The following MICU2 variants were observed in gnomAD, a reference collection of about 807,000 sequenced individuals.
MICU2 encodes calcium uptake protein 2, mitochondrial.
In MICU2, 64 loss-of-function variants were observed where a neutral mutation model predicts 60.4. The ratio of observed to expected loss-of-function variants is 1.06; its 90% CI spans 0.87 to 1.31. The LOEUF is 1.31. Among genes scored for constraint, MICU2 ranks in the 50% most tolerant of loss-of-function variants. The pLI, the probability that MICU2 is intolerant of heterozygous loss-of-function variation, is 0.00. For missense variants in MICU2, 569 were observed against 531.0 expected (o/e 1.07, Z -0.70); for synonymous variants, 201 against 175.0 (o/e 1.15, Z -1.17).
chr13:21,565,644 C>T (rs536197494), intron 2 of MICU2, among the ~76,000 whole-genome samples: 3 of 152,010 alleles, frequency 2.0e-5, no homozygotes, highest in African/African-American at 4.8e-5. Flanking sequence ...GGCGACAGAG[C>T]GAGACTCCGT....
intron 9 of MICU2, among the ~76,000 whole-genome samples, chr13:21,502,421 C>CA (rs1419736723): frequency 1.3e-5 from 2 of 152,084 alleles, no homozygotes; most frequent in Non-Finnish European, 2.9e-5. Flanking sequence ...TATATACACA[C>CA]ACATATGCAT....
At chr13:21,513,739 CAAAAA>C (rs376128312) in intron 7 of MICU2, among the ~76,000 whole-genome samples, 1 of 59,112 alleles carries the variant, frequency 1.7e-5, no homozygotes, top group Non-Finnish European at 2.6e-5. Context: ...GACTCTGTCT[CAAAAA>C]AAAAAAAAAA....
intron 9 of MICU2, 25 bp from the exon 10 acceptor site, chr13:21,496,185 C>T: frequency 2.6e-6 from 4 of 1,527,234 alleles, no homozygotes; most frequent in Non-Finnish European, 3.6e-6. Context: ...GTTTTTATTA[C>T]AATTTTGTAA....
intron 11 of MICU2, 127 bp downstream of exon 11, chr13:21,495,034 A>G (rs1885957419): frequency 1.7e-6 from 1 of 600,286 alleles, no homozygotes; most frequent in Non-Finnish European, 2.7e-6. Flanking sequence ...CTGTATTTCA[A>G]TTACAGCTTA....
intron 1 of MICU2, among the ~76,000 whole-genome samples, chr13:21,581,831 A>G (rs1888354889): frequency 6.6e-6 from 1 of 152,210 alleles, no homozygotes; most frequent in South Asian, 2.1e-4. Context: ...GTCACCAGCT[A>G]AAGCAGATTA....
At chr13:21,506,783 C>T (rs1886300422) in intron 8 of MICU2, among the ~76,000 whole-genome samples, 1 of 152,216 alleles carries the variant, frequency 6.6e-6, no homozygotes. Context: ...ACTTCCCTCC[C>T]TTCAGGGACC....
intron 2 of MICU2, 97 bp downstream of exon 2, chr13:21,566,700 A>AT (rs1301575540): frequency 1.9e-6 from 2 of 1,040,666 alleles, no homozygotes; most frequent in Non-Finnish European, 2.8e-6. Flanking sequence ...AAAGATGATA[A>AT]TTAAAATGAA....
At chr13:21,603,385 A>G (rs1888871382) in intron 1 of MICU2, among the ~76,000 whole-genome samples, 1 of 152,224 alleles carries the variant, frequency 6.6e-6, no homozygotes. Flanking sequence ...AGTTGATAAT[A>G]AAATCTGGAA....
chr13:21,557,499 G>T (rs1213176575), intron 2 of MICU2, among the ~76,000 whole-genome samples: 1 of 152,104 alleles, frequency 6.6e-6, no homozygotes, highest in Non-Finnish European at 1.5e-5. Context: ...TGGGGAGATG[G>T]TTTACAGAAG....
chr13:21,517,818 C>T (rs796362099), intron 6 of MICU2, among the ~76,000 whole-genome samples: 4 of 151,802 alleles, frequency 2.6e-5, no homozygotes, highest in South Asian at 4.2e-4. Context: ...CGCGCGCACA[C>T]GCGCTACATA....
At chr13:21,520,156 CTGTTAAGTAGTATTCTAT>C (rs764189524) in intron 6 of MICU2, among the ~76,000 whole-genome samples, 4 of 152,146 alleles carry the variant, frequency 2.6e-5, no homozygotes, top group Non-Finnish European at 4.4e-5. Flanking sequence ...TTCCTTTTTA[CTGTTAAGTAGTATTCTAT>C]TGTATGGATC....
At chr13:21,497,942 A>T (rs764270873) in intron 9 of MICU2, among the ~76,000 whole-genome samples, 50 of 152,046 alleles carry the variant, frequency 3.3e-4, no homozygotes, top group Non-Finnish European at 6.3e-4. Context: ...TTTAGTAGAG[A>T]CGAGATCTCG....
intron 1 of MICU2, among the ~76,000 whole-genome samples, chr13:21,585,582 C>G (rs1888437850): frequency 6.6e-6 from 1 of 152,072 alleles, no homozygotes; most frequent in African/African-American, 2.4e-5. Flanking sequence ...GGTCAGACAG[C>G]TTGAAATAAA....
intron 2 of MICU2, among the ~76,000 whole-genome samples, chr13:21,557,469 G>A (rs528408518): frequency 9.2e-5 from 14 of 152,116 alleles, no homozygotes; most frequent in Non-Finnish European, 2.1e-4. Flanking sequence ...GGAAGAATGA[G>A]TATCTACTTG....
At position 21,528,071 on chromosome 13, in the gene MICU2, A is replaced by G. The variant is rs561993733; in HGVS notation, c.467-5421T>C. Reference sequence around the variant, plus strand: ...ATATCTCATAATTTATATTCAGTATATTTTTGAGGATGGTATTAAAATTAT... The same window carrying G: ...ATATCTCATAATTTATATTCAGTATGTTTTTGAGGATGGTATTAAAATTAT... On this transcript the variant is annotated intron_variant, in intron 4 of 11. Coordinates refer to ENST00000382374, the MANE Select transcript of MICU2 (RefSeq NM_152726.3). Among the ~76,000 whole-genome samples, 4 of 152,284 alleles carry G rather than the reference A, an allele frequency of 2.6e-5. No homozygotes were observed. The South Asian group carries it at 8.3e-4, about 32-fold the overall frequency.
intron 8 of MICU2, among the ~76,000 whole-genome samples, chr13:21,508,772 A>C (rs1886356548): frequency 6.6e-6 from 1 of 151,864 alleles, no homozygotes; most frequent in Non-Finnish European, 1.5e-5. Flanking sequence ...TGCCCAAACC[A>C]CTTTTGCCTG....
intron 4 of MICU2, among the ~76,000 whole-genome samples, chr13:21,528,730 T>C (rs1211388666): frequency 1.3e-5 from 2 of 152,190 alleles, no homozygotes; most frequent in Non-Finnish European, 2.9e-5. Flanking sequence ...AGTTAGCAGA[T>C]GACACATAAA....
chr13:21,575,154 T>C (rs1007999769), intron 1 of MICU2, among the ~76,000 whole-genome samples: 13 of 143,912 alleles, frequency 9.0e-5, no homozygotes, highest in African/African-American at 3.3e-4. Context: ...AAATGGCATA[T>C]GCTTACACAC....
chr13:21,505,493 C>T (rs1204687904), intron 8 of MICU2, among the ~76,000 whole-genome samples: 1 of 152,068 alleles, frequency 6.6e-6, no homozygotes, highest in Non-Finnish European at 1.5e-5. Context: ...CACCAAAATT[C>T]TGGGAGACAG....
Sources: allele counts gnomAD v4.1 joint callset (sites outside exome capture counted in the v4.1 genomes callset), GRCh38; gene constraint gnomAD v4.1.1; transcripts MANE v1.5; gene names NCBI Gene and HGNC (gene_info 2026-07-23, HGNC 2026-07-21).